The following BIRC6 variants were observed in gnomAD, a reference collection of about 807,000 sequenced individuals.
BIRC6 encodes the protein dual E2 ubiquitin-conjugating enzyme/E3 ubiquitin-protein ligase BIRC6.
BIRC6 carries 98 observed loss-of-function variants against 503.3 expected under a neutral mutation model. The observed-to-expected ratio is 0.19, with a 90% confidence interval of 0.17 to 0.23. The LOEUF is 0.23. Ranked by LOEUF, BIRC6 falls within the 10% of genes least tolerant of loss-of-function variation. The probability of loss-of-function intolerance (pLI) is 1.00; values close to 1 mark genes in which losing one functional copy is unlikely to be tolerated. For missense variants in BIRC6, 5,360 were observed against 5,806.0 expected (o/e 0.92, Z 2.50); for synonymous variants, 2,240 against 2,078.7 (o/e 1.08, Z -2.11).
In BIRC6 at chr2:32,415,806, T is replaced by G. The variant is rs2042318964; in HGVS notation, c.2515T>G (p.Leu839Val). 6.2e-7 allele frequency: 1 copy of G among 1,613,672 alleles called. No homozygotes were observed. The stretch of plus-strand genomic sequence containing the variant: ...GAATTATGCCACTCGGATAGTGACT[T>G]TAGAAGAGGAGCCAATAAAAATACA... ...KMNYATRIVT[L>V]EEEPIKIQHI... Residue 839 changes from leucine to valine, a missense_variant, in exon 10 of 74, where the codon TTA (leucine) becomes GTA (valine). Transcript: ENST00000421745.
intron 22 of BIRC6, among the ~76,000 whole-genome samples, chr2:32,451,067 C>G (rs1054403650): frequency 4.6e-5 from 7 of 152,156 alleles, no homozygotes; most frequent in Non-Finnish European, 1.0e-4. Context: ...TCATCTTGAA[C>G]CCATACTACA....
chr2:32,405,757 T>C (rs1279957802), intron 8 of BIRC6, among the ~76,000 whole-genome samples: 1 of 152,246 alleles, frequency 6.6e-6, no homozygotes, highest in Non-Finnish European at 1.5e-5. Flanking sequence ...CACTTGCTTA[T>C]ACAACTATTA....
At chr2:32,544,894 G>A (rs2057948194) in intron 62 of BIRC6, among the ~76,000 whole-genome samples, 1 of 151,360 alleles carries the variant, frequency 6.6e-6, no homozygotes, top group African/African-American at 2.4e-5. Flanking sequence ...GTAGATAGAG[G>A]GGTAAGAACC....
chr2:32,515,784 A>G lies in BIRC6; in HGVS notation c.11349+14A>G, dbSNP rs1192200683. 5 of 1,575,688 alleles carry G rather than the reference A, an allele frequency of 3.2e-6. No individual in the cohort carries two copies. The African/African-American group carries it at 5.4e-5, about 17-fold the overall frequency. On this transcript the variant is annotated intron_variant, in intron 55 of 73. Coordinates refer to ENST00000421745, the MANE Select transcript of BIRC6 (RefSeq NM_016252.4). ...CTGATGGCACAGGTAAGACAAAAAAATAACTTACATTTTAGTTGTTTTATT... is the reference window on the plus strand; with the variant it reads ...CTGATGGCACAGGTAAGACAAAAAAGTAACTTACATTTTAGTTGTTTTATT...
At chr2:32,534,799 G>T (rs1231159464) in intron 61 of BIRC6, among the ~76,000 whole-genome samples, 18 of 134,126 alleles carry the variant, frequency 1.3e-4, no homozygotes, top group Admixed American at 4.5e-4. Context: ...GGAATGAGAA[G>T]AACATAAGAG....
In BIRC6 at chr2:32,465,124, T is replaced by C; in HGVS notation, c.5316T>C (p.Pro1772=). Residue 1772 remains proline (P), a synonymous_variant, in exon 26 of 74, where the codon CCT becomes CCC. Coordinates refer to ENST00000421745, the MANE Select transcript of BIRC6 (RefSeq NM_016252.4). Reference sequence around the variant, plus strand: ...CTCATGCTTCACATTTTCTTCAACCTCCGCCTCACCAGTCCATTATTATAG... The same window carrying C: ...CTCATGCTTCACATTTTCTTCAACCCCCGCCTCACCAGTCCATTATTATAG... The part of the protein sequence containing the change: ...AISHASHFLQ[P]PPHQSIIIER... 1 of 1,603,956 alleles carries C rather than the reference T, an allele frequency of 6.2e-7. No individual in the cohort carries two copies. The highest frequency in any genetic ancestry group is 8.5e-7 in the Non-Finnish European group (1 of 1,173,752).
chr2:32,539,170 C>G (rs2057464606), intron 61 of BIRC6, among the ~76,000 whole-genome samples: 1 of 152,110 alleles, frequency 6.6e-6, no homozygotes, highest in African/African-American at 2.4e-5. Flanking sequence ...TCATAACAAT[C>G]CTAAATTTGT....
Position 32,480,211 on chromosome 2 carries a change from G to A in BIRC6, c.7408+594G>A, listed in dbSNP as rs185646343. On this transcript the variant is annotated intron_variant, in intron 37 of 73. Transcript: ENST00000421745. ...TTCCTGTGTGCACGATGAACACTTC[G>A]TTATCGAAGGTTCACATAAAGCGTG... 1.9e-3 allele frequency among the ~76,000 whole-genome samples: 296 copies of A among 152,172 alleles called. 1 individual carries two copies. The highest frequency in any genetic ancestry group is 4.4e-3 in the Admixed American group (67 of 15,282).
Position 32,529,635 on chromosome 2 carries a change from A to G in BIRC6, c.11921-16A>G. The G allele has an allele frequency of 1.9e-6, 3 of 1,549,954 alleles. No individual in the cohort carries two copies. Reference sequence around the variant, plus strand: ...CTTTCTCGGTTTCCAGATTTAACTTAGTTATATCATTTTAGGCCAGCCATT... The same window carrying G: ...CTTTCTCGGTTTCCAGATTTAACTTGGTTATATCATTTTAGGCCAGCCATT... On this transcript the variant is annotated splice_polypyrimidine_tract_variant and intron_variant, in intron 59 of 73. Transcript: ENST00000421745.
chr2:32,416,188 A>G (rs2042354297), intron 10 of BIRC6, 25 bp downstream of exon 10: 1 of 1,535,666 alleles, frequency 6.5e-7, no homozygotes, highest in Non-Finnish European at 8.8e-7. Flanking sequence ...TATGCTATAA[A>G]TCTTATAAAA....
intron 66 of BIRC6, among the ~76,000 whole-genome samples, chr2:32,579,546 C>T (rs75260890): frequency 2.1e-3 from 326 of 152,006 alleles, no homozygotes; most frequent in African/African-American, 7.7e-3. Flanking sequence ...ATAAATTAGT[C>T]AATATCGTGG....
Position 32,476,220 on chromosome 2 carries a change from A to T in BIRC6, c.6728A>T (p.Asn2243Ile). Reference sequence around the variant, plus strand: ...TTTATTTGTTTTATAAAGCAACTTAACCTACTAAAAGCAAAGCAGAAGGCA... The same window carrying T: ...TTTATTTGTTTTATAAAGCAACTTATCCTACTAAAAGCAAAGCAGAAGGCA... ...KQLVHHKQQL[N>I]LLKAKQKALV... The change falls in exon 34 of 74, where the codon AAC (asparagine) becomes ATC (isoleucine). Residue 2243 changes from asparagine (N) to isoleucine (I), a missense_variant. Asn to Ile is a moderately radical substitution (Grantham distance 149). This residue lies in a region of BIRC6 where 2,299 missense variants were observed against 2,267.2 expected (regional missense o/e 1.01). Transcript: ENST00000421745. 1 of 1,540,990 alleles carries T rather than the reference A, an allele frequency of 6.5e-7. No individual in the cohort carries two copies. The highest frequency in any genetic ancestry group is 8.7e-7 in the Non-Finnish European group (1 of 1,144,170).
chr2:32,580,574 C>T (rs978017473), intron 66 of BIRC6, among the ~76,000 whole-genome samples: 3 of 152,138 alleles, frequency 2.0e-5, no homozygotes, highest in African/African-American at 7.2e-5. Context: ...CACAGAGTTA[C>T]TTACCTTAAA....
chr2:32,406,636 G>T (rs1443423564), intron 9 of BIRC6, 79 bp downstream of exon 9: 2 of 961,682 alleles, frequency 2.1e-6, no homozygotes, highest in Non-Finnish European at 3.2e-6. Flanking sequence ...ACTTAATTCT[G>T]AATTTCTTAG....
Position 32,468,920 on chromosome 2 carries a change from C to G in BIRC6, c.6127+137C>G, listed in dbSNP as rs191007728. ...AAATGTCAGTATTTATGAAATGTCT[C>G]TTTAGGTTAATCTATTTCTCCCTGT... On this transcript the variant is annotated intron_variant, in intron 29 of 73. Coordinates refer to ENST00000421745, the MANE Select transcript of BIRC6 (RefSeq NM_016252.4). 130 of 666,054 alleles carry G rather than the reference C, an allele frequency of 2.0e-4. No individual in the cohort carries two copies. The African/African-American group carries it at 2.2e-3, about 11-fold the overall frequency. The allele number at this position is 666,054 out of a possible 1,614,324, so 41.3% of individuals were successfully genotyped here.
At chr2:32,442,791 T>C (rs1436935134) in intron 19 of BIRC6, among the ~76,000 whole-genome samples, 1 of 152,196 alleles carries the variant, frequency 6.6e-6, no homozygotes, top group Non-Finnish European at 1.5e-5. Context: ...GTGTTTTCTC[T>C]GTTATGTAAC....
Position 32,447,166 on chromosome 2 carries a change from C to A in BIRC6, c.4484+1498C>A, listed in dbSNP as rs1396644708. ...CATGTCTACCTCTATCCACACAGAC[C>A]CGGCAACCATCCGATTTCTCAATTT... is the stretch of plus-strand genomic sequence containing the variant. On this transcript the variant is annotated intron_variant, in intron 21 of 73. Transcript: ENST00000421745. 1.9e-3 allele frequency among the ~76,000 whole-genome samples: 291 copies of A among 149,854 alleles called. 1 individual carries two copies. Among genetic ancestry groups the A allele is most frequent in the African/African-American group, 6.0e-3 (245 of 40,634 alleles).
At chr2:32,371,555 A>G (rs1170735712) in intron 1 of BIRC6, among the ~76,000 whole-genome samples, 5 of 151,814 alleles carry the variant, frequency 3.3e-5, no homozygotes, top group Non-Finnish European at 5.9e-5. Flanking sequence ...TTTGTATTTT[A>G]GTAGAGACAA....
chr2:32,497,439 G>A (rs2052609487), intron 45 of BIRC6, among the ~76,000 whole-genome samples: 1 of 152,178 alleles, frequency 6.6e-6, no homozygotes, highest in Non-Finnish European at 1.5e-5. Flanking sequence ...TGTGTAATAT[G>A]TGTATTGTCA....
Sources: gnomAD v4.1 joint callset for allele counts (sites outside exome capture counted in the v4.1 genomes callset) on GRCh38, gnomAD v4.1.1 for gene constraint, gnomAD v4.1.1 regional missense constraint, MANE v1.5 for transcripts, NCBI Gene and HGNC (gene_info 2026-07-23, HGNC 2026-07-21) for gene names.